RSRC1: variants seen among roughly 807,000 people sequenced by gnomAD.
RSRC1 encodes the protein arginine and serine rich coiled-coil 1.
In RSRC1, 39 loss-of-function variants were observed where a neutral mutation model predicts 49.1. The observed-to-expected ratio is 0.79, with a 90% CI of 0.61 to 1.04. The LOEUF is 1.04. RSRC1 is among the 50% of genes least tolerant of loss of function. RSRC1 has a pLI of 0.00. For missense variants in RSRC1, 388 were observed against 402.4 expected (o/e 0.96, Z 0.31); for synonymous variants, 143 against 130.8 (o/e 1.09, Z -0.63).
intron 5 of RSRC1, among the ~76,000 whole-genome samples, chr3:158,352,197 A>G (rs1224552086): frequency 6.6e-6 from 1 of 151,994 alleles, no homozygotes; most frequent in Non-Finnish European, 1.5e-5. Flanking sequence ...ACTTAAGCCC[A>G]GGAGTTCAAC....
chr3:158,134,420 CTTG>C (rs1357501740), intron 3 of RSRC1, among the ~76,000 whole-genome samples: 2 of 152,060 alleles, frequency 1.3e-5, no homozygotes, highest in African/African-American at 4.8e-5. Context: ...AGAGATTAAA[CTTG>C]TTGTGTAAAT....
intron 3 of RSRC1, among the ~76,000 whole-genome samples, chr3:158,176,380 C>T (rs1279382965): frequency 1.3e-5 from 2 of 152,158 alleles, no homozygotes; most frequent in Non-Finnish European, 2.9e-5. Flanking sequence ...CTGGAGGCAT[C>T]ACGCTACCTG....
intron 6 of RSRC1, among the ~76,000 whole-genome samples, chr3:158,356,871 G>A (rs1731191972): frequency 6.6e-6 from 1 of 151,986 alleles, no homozygotes; most frequent in African/African-American, 2.4e-5. Context: ...TGATTTTGAA[G>A]CACATTAGAA....
At chr3:158,308,281 C>G (rs1241146050) in intron 5 of RSRC1, among the ~76,000 whole-genome samples, 1 of 151,896 alleles carries the variant, frequency 6.6e-6, no homozygotes. Flanking sequence ...GTAATTTGAT[C>G]GTAGCTGATG....
intron 5 of RSRC1, among the ~76,000 whole-genome samples, chr3:158,337,053 A>ATTAT (rs1729943762): frequency 6.6e-6 from 1 of 152,212 alleles, no homozygotes; most frequent in Admixed American, 6.5e-5. Flanking sequence ...AAGTAGGGTA[A>ATTAT]GAAGAACCAC....
chr3:158,237,837 A>G (rs1229888462), intron 4 of RSRC1, among the ~76,000 whole-genome samples: 1 of 152,098 alleles, frequency 6.6e-6, no homozygotes, highest in African/African-American at 2.4e-5. Flanking sequence ...AACTTCCAAC[A>G]CTATGTTGAA....
chr3:158,285,111 T>C (rs1726437884), intron 4 of RSRC1, among the ~76,000 whole-genome samples: 1 of 152,200 alleles, frequency 6.6e-6, no homozygotes, highest in African/African-American at 2.4e-5. Flanking sequence ...TTTCTACATA[T>C]GGCTAGCCAG....
At chr3:158,196,802 C>CAT (rs1226637723) in intron 3 of RSRC1, among the ~76,000 whole-genome samples, 7 of 152,046 alleles carry the variant, frequency 4.6e-5, no homozygotes, top group African/African-American at 1.7e-4. Context: ...CTGGATTATG[C>CAT]TTATTGATTT....
chr3:158,372,609 A>C (rs1732142526), intron 6 of RSRC1, among the ~76,000 whole-genome samples: 1 of 151,900 alleles, frequency 6.6e-6, no homozygotes, highest in Non-Finnish European at 1.5e-5. Context: ...CTTTTTCAGA[A>C]TGCTTTAGCT....
intron 6 of RSRC1, among the ~76,000 whole-genome samples, chr3:158,434,077 A>T (rs971264585): frequency 5.3e-5 from 8 of 151,984 alleles, no homozygotes; most frequent in African/African-American, 1.9e-4. Flanking sequence ...AGCAGCTCAG[A>T]TCACAATTAG....
chr3:158,441,373 CTT>C (rs1335767679), intron 6 of RSRC1, among the ~76,000 whole-genome samples: 1 of 151,814 alleles, frequency 6.6e-6, no homozygotes, highest in Non-Finnish European at 1.5e-5. Context: ...CAAACAAAGA[CTT>C]TTTTAAATAT....
At chr3:158,229,645 A>G (rs1722840758) in intron 4 of RSRC1, among the ~76,000 whole-genome samples, 1 of 151,292 alleles carries the variant, frequency 6.6e-6, no homozygotes, top group South Asian at 2.1e-4. Flanking sequence ...TATTTTTGAA[A>G]CTCTTTATTT....
chr3:158,449,249 A>T (rs1194165141), intron 6 of RSRC1, among the ~76,000 whole-genome samples: 1 of 152,084 alleles, frequency 6.6e-6, no homozygotes, highest in East Asian at 1.9e-4. Context: ...TTAAAAAAAA[A>T]TTTAATAATG....
At chr3:158,469,204 C>T in intron 7 of RSRC1, 2 of 290,034 alleles carry the variant, frequency 6.9e-6, no homozygotes, top group Non-Finnish European at 1.3e-5. Flanking sequence ...TTTACTAAGC[C>T]AGGAAGACCT....
chr3:158,446,904 A>G (rs971585151), intron 6 of RSRC1, among the ~76,000 whole-genome samples: 8 of 152,022 alleles, frequency 5.3e-5, no homozygotes, highest in Non-Finnish European at 1.0e-4. Flanking sequence ...CTAGGGGAAA[A>G]CAAAACTCAA....
intron 4 of RSRC1, among the ~76,000 whole-genome samples, chr3:158,267,527 T>A (rs1296025415): frequency 6.6e-6 from 1 of 152,054 alleles, no homozygotes; most frequent in Non-Finnish European, 1.5e-5. Context: ...TGAGGTCCTC[T>A]TCATTTAAAA....
chr3:158,416,908 A>G (rs1018018161), intron 6 of RSRC1, among the ~76,000 whole-genome samples: 1 of 151,880 alleles, frequency 6.6e-6, no homozygotes, highest in African/African-American at 2.4e-5. Context: ...GTATCTGAAG[A>G]TTTTTTTTAA....
At chr3:158,327,708 G>C (rs1018759860) in intron 5 of RSRC1, among the ~76,000 whole-genome samples, 2 of 152,294 alleles carry the variant, frequency 1.3e-5, no homozygotes, top group African/African-American at 2.4e-5. Context: ...TGTATATTCT[G>C]TTGATTTGGG....
chr3:158,455,727 C>T (rs868627332), intron 6 of RSRC1, among the ~76,000 whole-genome samples: 2 of 152,094 alleles, frequency 1.3e-5, no homozygotes, highest in African/African-American at 2.4e-5. Context: ...CGCCTGTAAT[C>T]CCAGCACTTT....
Sources: gnomAD v4.1 joint callset for allele counts (sites outside exome capture counted in the v4.1 genomes callset) on GRCh38, gnomAD v4.1.1 for gene constraint, MANE v1.5 for transcripts, NCBI Gene and HGNC (gene_info 2026-07-23, HGNC 2026-07-21) for gene names.